The following CMIP variants were observed in gnomAD, a reference collection of about 807,000 sequenced individuals.
CMIP encodes C-Maf-inducing protein.
Under a neutral mutation model 97.3 loss-of-function variants are expected in CMIP, and 13 were observed. The ratio of observed to expected loss-of-function variants is 0.13; its 90% CI spans 0.09 to 0.21. The LOEUF is 0.21. Ranked by LOEUF, CMIP falls within the 10% of genes least tolerant of loss-of-function variation. The pLI is 1.00. For synonymous variants in CMIP, 538 were observed against 436.3 expected (o/e 1.23, Z -2.91); for missense variants, 847 against 1,024.9 (o/e 0.83, Z 2.37).
At position 81,579,374 on chromosome 16, in the gene CMIP, A is replaced by C. The variant is rs373853435; in HGVS notation, c.301-28193A>C. Among the ~76,000 whole-genome samples, 3 of 152,210 alleles carry C rather than the reference A, an allele frequency of 2.0e-5. No individual in the cohort carries two copies. The East Asian group carries it at 5.8e-4, about 29-fold the overall frequency. On this transcript the variant is annotated intron_variant, in intron 1 of 20. Coordinates refer to ENST00000537098, the MANE Select transcript of CMIP (RefSeq NM_198390.3). The stretch of plus-strand genomic sequence containing the variant: ...AGCTCTGCTCTCTTGAGCCACCACA[A>C]ATCCAGCCCCTTCCTCTGTGCCCCA...
chr16:81,688,963 C>G (rs1645482018), intron 10 of CMIP, among the ~76,000 whole-genome samples: 1 of 152,230 alleles, frequency 6.6e-6, no homozygotes, highest in Admixed American at 6.5e-5. Flanking sequence ...CAGCTTCATC[C>G]ATGTCCCTAC....
intron 3 of CMIP, among the ~76,000 whole-genome samples, chr16:81,632,678 C>T (rs539889352): frequency 3.9e-5 from 6 of 152,344 alleles, no homozygotes; most frequent in East Asian, 1.9e-4. Context: ...CCCCCCAACA[C>T]GGAAGCCTGT....
chr16:81,605,063 G>T (rs1019128263), intron 1 of CMIP, among the ~76,000 whole-genome samples: 39 of 152,204 alleles, frequency 2.6e-4, no homozygotes, highest in Non-Finnish European at 3.4e-4. Flanking sequence ...ATTTGAATAT[G>T]GGTGAGGAAA....
intron 3 of CMIP, among the ~76,000 whole-genome samples, chr16:81,635,279 A>G (rs531168338): frequency 6.6e-5 from 10 of 151,910 alleles, no homozygotes; most frequent in Non-Finnish European, 8.8e-5. Flanking sequence ...GGGAGGGCCA[A>G]TTACTGAGGT....
At chr16:81,631,423 C>G (rs960155747) in intron 3 of CMIP, 1 of 152,188 alleles carries the variant, frequency 6.6e-6, no homozygotes, top group African/African-American at 2.4e-5. Context: ...AGGACGTTTT[C>G]GAAATAAACT....
chr16:81,609,711 G>T (rs1041256432), intron 2 of CMIP, among the ~76,000 whole-genome samples: 9 of 152,208 alleles, frequency 5.9e-5, no homozygotes, highest in African/African-American at 2.2e-4. Context: ...GTAGAAGTGT[G>T]CCAGAATGGT....
At chr16:81,560,111 C>T (rs1430467894) in intron 1 of CMIP, among the ~76,000 whole-genome samples, 3 of 146,946 alleles carry the variant, frequency 2.0e-5, no homozygotes, top group African/African-American at 7.5e-5. Flanking sequence ...TGCGTCACTG[C>T]ACTCCAGCCT....
intron 2 of CMIP, chr16:81,618,740 C>T (rs1041570061): frequency 6.6e-6 from 1 of 152,240 alleles, no homozygotes; most frequent in African/African-American, 2.4e-5. Flanking sequence ...GCTTGTTGTT[C>T]CAGAGAGCCT....
In CMIP at chr16:81,627,928, C is replaced by T. The variant is rs1342719224; in HGVS notation, c.477+7002C>T. 6.6e-6 allele frequency among the ~76,000 whole-genome samples: 1 copy of T among 152,174 alleles called. No individual in the cohort carries two copies. Among genetic ancestry groups the T allele is most frequent in the Non-Finnish European group, 1.5e-5 (1 of 68,016 alleles). The stretch of plus-strand genomic sequence containing the variant: ...CTGGGGCTCAGAGAGGGGAAGCCCA[C>T]CTGACGGGAAGCTGAGGGCAGGGCC... On this transcript the variant is annotated intron_variant, in intron 3 of 20. Coordinates refer to ENST00000537098, the MANE Select transcript of CMIP (RefSeq NM_198390.3). The surrounding 1 kb of genome is among the most constrained non-coding windows in gnomAD (Gnocchi z 4.6).
chr16:81,619,049 A>C (rs1182041254), intron 2 of CMIP: 2 of 152,316 alleles, frequency 1.3e-5, no homozygotes, highest in Non-Finnish European at 2.9e-5. Context: ...CAGGGGGCAC[A>C]GGCTTGGGTC....
intron 1 of CMIP, among the ~76,000 whole-genome samples, chr16:81,510,309 A>G (rs914712314): frequency 3.9e-5 from 6 of 152,200 alleles, no homozygotes; most frequent in Admixed American, 3.9e-4. Context: ...AAGTGGGACC[A>G]TGATGGCCGC....
intron 1 of CMIP, among the ~76,000 whole-genome samples, chr16:81,468,581 C>T (rs1186884198): frequency 6.6e-6 from 1 of 152,240 alleles, no homozygotes; most frequent in African/African-American, 2.4e-5. Context: ...TGAAGCATGC[C>T]CTTATGGGGC....
At chr16:81,695,305 T>A (rs1906586715) in intron 13 of CMIP, 1 of 152,262 alleles carries the variant, frequency 6.6e-6, no homozygotes, top group African/African-American at 2.4e-5. Context: ...AGTTGTTTCC[T>A]TTAAAATTAT....
chr16:81,661,013 T>C, intron 6 of CMIP, 67 bp downstream of exon 6: 1 of 1,601,336 alleles, frequency 6.2e-7, no homozygotes, highest in Non-Finnish European at 8.6e-7. Flanking sequence ...ATACCAGGGA[T>C]TGGGTTTGCA....
chr16:81,638,301 T>C (rs1410384025), intron 3 of CMIP, among the ~76,000 whole-genome samples: 1 of 152,182 alleles, frequency 6.6e-6, no homozygotes, highest in Non-Finnish European at 1.5e-5. Flanking sequence ...ACATACCTTC[T>C]TTGGGGCCAC....
chr16:81,703,267 A>G (rs1440951968), intron 17 of CMIP, among the ~76,000 whole-genome samples: 1 of 152,060 alleles, frequency 6.6e-6, no homozygotes, highest in African/African-American at 2.4e-5. Context: ...GGGGCCACAC[A>G]CTAAATCAGC....
At chr16:81,599,080 G>C (rs1488363717) in intron 1 of CMIP, among the ~76,000 whole-genome samples, 1 of 151,996 alleles carries the variant, frequency 6.6e-6, no homozygotes, top group Non-Finnish European at 1.5e-5. Flanking sequence ...CTGGAGAATG[G>C]TTGGAGAAAC....
At chr16:81,516,322 C>G (rs564713133) in intron 1 of CMIP, among the ~76,000 whole-genome samples, 2 of 152,338 alleles carry the variant, frequency 1.3e-5, no homozygotes, top group Admixed American at 6.5e-5. Flanking sequence ...GCGCTTCTCT[C>G]CCGTTTTAAA....
intron 1 of CMIP, chr16:81,517,957 C>A: frequency 1.0e-6 from 1 of 975,976 alleles, no homozygotes; most frequent in Non-Finnish European, 1.2e-6. Context: ...AAATGAACGC[C>A]AGTGGATGTG....
Sources: allele counts gnomAD v4.1 joint callset (sites outside exome capture counted in the v4.1 genomes callset), GRCh38; gene constraint gnomAD v4.1.1; non-coding constraint Gnocchi (gnomAD v3.1); transcripts MANE v1.5; gene names NCBI Gene and HGNC (gene_info 2026-07-23, HGNC 2026-07-21).